The following TMEM132D variants were observed in gnomAD, a reference collection of about 807,000 sequenced individuals.
TMEM132D encodes the protein transmembrane protein 132D, also known as mature OL transmembrane protein.
Under a neutral mutation model 62.3 loss-of-function variants are expected in TMEM132D, and 21 were observed. The observed-to-expected ratio is 0.34, with a 90% confidence interval of 0.24 to 0.49. The LOEUF is 0.49. Ranked by LOEUF, TMEM132D falls within the 20% of genes least tolerant of loss-of-function variation. The pLI, the probability that TMEM132D is intolerant of heterozygous loss-of-function variation, is 0.99. For missense variants in TMEM132D, 1,346 were observed against 1,402.8 expected (o/e 0.96, Z 0.65); for synonymous variants, 621 against 575.6 (o/e 1.08, Z -1.13).
intron 2 of TMEM132D, among the ~76,000 whole-genome samples, chr12:129,629,254 G>A (rs570307986): frequency 6.5e-4 from 99 of 152,206 alleles, no homozygotes; most frequent in Middle Eastern, 3.4e-3. Flanking sequence ...TCCTCTGTCC[G>A]GCCCATCTGC....
intron 5 of TMEM132D, among the ~76,000 whole-genome samples, chr12:129,183,876 G>A (rs1878139092): frequency 6.6e-6 from 1 of 152,090 alleles, no homozygotes; most frequent in South Asian, 2.1e-4. Flanking sequence ...ACGATTCTTT[G>A]GAGCTGGGTG....
intron 3 of TMEM132D, among the ~76,000 whole-genome samples, chr12:129,515,542 C>G (rs1386641062): frequency 2.6e-5 from 4 of 152,110 alleles, no homozygotes; most frequent in Admixed American, 1.3e-4. Flanking sequence ...ATTGGGAATA[C>G]TGCAGAAGCA....
Position 129,084,657 on chromosome 12 carries a change from T to C in TMEM132D, c.1489A>G (p.Lys497Glu), listed in dbSNP as rs201719802. 1.2e-6 allele frequency: 2 copies of C among 1,614,140 alleles called. No individual in the cohort carries two copies. The highest frequency in any genetic ancestry group is 3.3e-4 in the Middle Eastern group (2 of 6,062). ...DYVFVNGKEM[K>E]GKVNVVVNFT... ...TTCACCACCACGTTGACCTTGCCTT[T>C]CATTTCTTTCCCATTGACAAAGACG... Residue 497 changes from lysine to glutamate, a missense_variant, in exon 6 of 9, where the codon AAA becomes GAA. Physicochemically the swap from Lys to Glu is moderately conservative, Grantham distance 56 (BLOSUM62 1). Transcript: ENST00000422113.
rs143043045 is a variant in TMEM132D, at chr12:129,624,974, C to T, written c.968+74836G>A. Among the ~76,000 whole-genome samples, 524 of 152,206 alleles carry T rather than the reference C, an allele frequency of 3.4e-3. 8 individuals are homozygous for T. The highest frequency in any genetic ancestry group is 2.5e-3 in the Non-Finnish European group (168 of 68,006). On this transcript the variant is annotated intron_variant, in intron 2 of 8. Transcript: ENST00000422113. ...GTGATTCCCTCTGGCGACGTGTGAG[C>T]GTTTCCATTGCTCCACACCTCACAA...
At chr12:129,322,174 C>G (rs901881174) in intron 4 of TMEM132D, among the ~76,000 whole-genome samples, 1 of 151,068 alleles carries the variant, frequency 6.6e-6, no homozygotes, top group African/African-American at 2.4e-5. Flanking sequence ...ATACGTGGGA[C>G]GAATGTTTCC....
chr12:129,108,389 T>C (rs1303399805), intron 5 of TMEM132D, among the ~76,000 whole-genome samples: 1 of 152,190 alleles, frequency 6.6e-6, no homozygotes, highest in Non-Finnish European at 1.5e-5. Flanking sequence ...TTTTCTGACC[T>C]GGTTTCTTGG....
chr12:129,587,455 TG>T (rs2137131730), intron 2 of TMEM132D, among the ~76,000 whole-genome samples: 1 of 152,128 alleles, frequency 6.6e-6, no homozygotes, highest in African/African-American at 2.4e-5. Flanking sequence ...GCTCATTTCC[TG>T]GGTGATGAAC....
At chr12:129,830,631 C>A (rs1872801099) in intron 1 of TMEM132D, among the ~76,000 whole-genome samples, 1 of 152,086 alleles carries the variant, frequency 6.6e-6, no homozygotes, top group African/African-American at 2.4e-5. Flanking sequence ...TAAAACCAAG[C>A]TGGGCCCCAA....
At position 129,903,504 on chromosome 12, in the gene TMEM132D, GC is replaced by G; in HGVS notation, c.-166del. 1 of 675,828 alleles carries G rather than the reference GC, an allele frequency of 1.5e-6. No homozygotes were observed. The highest frequency in any genetic ancestry group is 2.5e-6 in the Non-Finnish European group (1 of 401,054). The allele number at this position is 675,828 out of a possible 1,614,324, so 41.9% of individuals were successfully genotyped here. On this transcript the variant is annotated 5_prime_UTR_variant, in exon 1 of 9. Coordinates refer to ENST00000422113, the MANE Select transcript of TMEM132D (RefSeq NM_133448.3). This position sits in a 1 kb window ranked among gnomAD's most constrained non-coding sequence, Gnocchi z 6.2. ...TGCTCCCTCTTCCCGCCAGTCCATG[GC>G]CAGGCCGGGAGGCGACGACCGCGCG...
At chr12:129,722,335 T>C (rs1348389221) in intron 1 of TMEM132D, among the ~76,000 whole-genome samples, 1 of 58,322 alleles carries the variant, frequency 1.7e-5, no homozygotes, top group Non-Finnish European at 4.9e-5. Context: ...GCCGACTGCC[T>C]GTCACTCTTC....
intron 4 of TMEM132D, among the ~76,000 whole-genome samples, chr12:129,249,415 G>T (rs1880207684): frequency 6.6e-6 from 1 of 152,108 alleles, no homozygotes; most frequent in African/African-American, 2.4e-5. Context: ...TTGTTAGTTT[G>T]CTCACCATCG....
chr12:129,519,856 G>A (rs779761963), intron 3 of TMEM132D, among the ~76,000 whole-genome samples: 16 of 152,070 alleles, frequency 1.1e-4, no homozygotes, highest in Middle Eastern at 6.8e-3. Flanking sequence ...TGATCCGCCC[G>A]CCTCCGCCTC....
chr12:129,132,883 G>A (rs1472475193), intron 5 of TMEM132D, among the ~76,000 whole-genome samples: 1 of 152,168 alleles, frequency 6.6e-6, no homozygotes, highest in African/African-American at 2.4e-5. Context: ...GTCCCTTGGA[G>A]AGAGCTTGCT....
At chr12:129,196,685 A>G (rs1274727859) in intron 5 of TMEM132D, among the ~76,000 whole-genome samples, 2 of 151,890 alleles carry the variant, frequency 1.3e-5, no homozygotes, top group Non-Finnish European at 2.9e-5. Context: ...TCTTTGACCC[A>G]TTTTCTCTCA....
chr12:129,200,413 T>C (rs1436533797), intron 5 of TMEM132D, among the ~76,000 whole-genome samples: 1 of 152,196 alleles, frequency 6.6e-6, no homozygotes, highest in African/African-American at 2.4e-5. Flanking sequence ...TATTGTTATG[T>C]GGCCAGTCTG....
chr12:129,648,382 A>T (rs1422965481), intron 2 of TMEM132D, among the ~76,000 whole-genome samples: 1 of 152,152 alleles, frequency 6.6e-6, no homozygotes, highest in East Asian at 1.9e-4. Flanking sequence ...AATTTCTTTT[A>T]AAAAACCCTA....
At chr12:129,619,721 C>A (rs536212242) in intron 2 of TMEM132D, among the ~76,000 whole-genome samples, 2 of 152,316 alleles carry the variant, frequency 1.3e-5, no homozygotes, top group East Asian at 3.9e-4. Flanking sequence ...ACATGAGGAT[C>A]ATCTGACATT....
At chr12:129,139,892 T>G (rs1876688269) in intron 5 of TMEM132D, among the ~76,000 whole-genome samples, 1 of 152,024 alleles carries the variant, frequency 6.6e-6, no homozygotes. Context: ...TGTATTTTTT[T>G]TTTTGTAGAG....
chr12:129,523,095 T>C (rs116349923), intron 3 of TMEM132D, among the ~76,000 whole-genome samples: 1,728 of 145,408 alleles, frequency 0.012, 39 homozygotes, highest in African/African-American at 0.041. Flanking sequence ...TGCACATGTG[T>C]GCATACACAC....
Sources: gnomAD v4.1 joint callset for allele counts (sites outside exome capture counted in the v4.1 genomes callset) on GRCh38, gnomAD v4.1.1 for gene constraint, Gnocchi (gnomAD v3.1) non-coding constraint, MANE v1.5 for transcripts, NCBI Gene and HGNC (gene_info 2026-07-23, HGNC 2026-07-21) for gene names.